The following AJAP1 variants were observed in gnomAD, a reference collection of about 807,000 sequenced individuals.
AJAP1 encodes adherens junctions associated protein 1, also known as adherens junction-associated protein 1.
A neutral mutation model predicts 35.0 loss-of-function variants in AJAP1; 5 were observed. The observed-to-expected ratio is 0.14, with a 90% CI of 0.07 to 0.30. The LOEUF is 0.30. Ranked by LOEUF, AJAP1 falls within the 10% of genes least tolerant of loss-of-function variation. The pLI is 1.00. For synonymous variants in AJAP1, 284 were observed against 249.3 expected (o/e 1.14, Z -1.31); for missense variants, 586 against 571.0 (o/e 1.03, Z -0.27).
rs531680117 is a variant in AJAP1, at chr1:4,729,310, G to C, written c.829+16611G>C. On this transcript the variant is annotated intron_variant, in intron 2 of 5. Transcript: ENST00000378191. ...GTCTCGAGGGCGTCACTCCTCCTGC[G>C]AGTGCAGACCTGGGGCCTGGGGGTC... 7.2e-5 allele frequency among the ~76,000 whole-genome samples: 11 copies of C among 152,178 alleles called. No homozygotes were observed. The East Asian group carries it at 2.1e-3, about 30-fold the overall frequency.
chr1:4,783,717 G>T lies in AJAP1; in HGVS notation c.*1232G>T, dbSNP rs552243649. On this transcript the variant is annotated 3_prime_UTR_variant, in exon 6 of 6. Transcript: ENST00000378191. ...TGGTTGGGTGGGTGGTGGATTCTTGGACGTGTGTGTCATACAAGCATAGAC... is the reference window on the plus strand; with the variant it reads ...TGGTTGGGTGGGTGGTGGATTCTTGTACGTGTGTGTCATACAAGCATAGAC... The T allele has an allele frequency of 6.6e-6, 1 of 151,752 alleles. No homozygotes were observed. Among genetic ancestry groups the T allele is most frequent in the African/African-American group, 2.4e-5 (1 of 41,358 alleles). 9.4% of individuals were successfully genotyped at this position (151,752 alleles called of 1,614,324 possible).
intron 1 of AJAP1, among the ~76,000 whole-genome samples, chr1:4,670,474 C>T (rs952990005): frequency 6.6e-6 from 1 of 152,196 alleles, no homozygotes; most frequent in Admixed American, 6.5e-5. Context: ...GACATCAGCC[C>T]TGACCCACAG....
At chr1:4,710,535 C>T (rs558496801) in intron 1 of AJAP1, among the ~76,000 whole-genome samples, 3 of 152,356 alleles carry the variant, frequency 2.0e-5, no homozygotes, top group African/African-American at 7.2e-5. Context: ...ATGACACACA[C>T]AGCTTCCTTC....
At chr1:4,722,497 G>A (rs1036613919) in intron 2 of AJAP1, among the ~76,000 whole-genome samples, 2 of 152,256 alleles carry the variant, frequency 1.3e-5, no homozygotes, top group African/African-American at 4.8e-5. Context: ...GGGAGGCCCA[G>A]CCTTCATCTG....
At chr1:4,735,853 G>C (rs1244623054) in intron 2 of AJAP1, among the ~76,000 whole-genome samples, 1 of 152,224 alleles carries the variant, frequency 6.6e-6, no homozygotes, top group Non-Finnish European at 1.5e-5. Flanking sequence ...CCCCTTCCCT[G>C]TGTCACTGCA....
intron 1 of AJAP1, among the ~76,000 whole-genome samples, chr1:4,710,997 G>T (rs72857983): frequency 2.6e-5 from 4 of 152,212 alleles, no homozygotes; most frequent in Admixed American, 1.3e-4. Flanking sequence ...TCAGGGTTGC[G>T]CAGGATTTGC....
At chr1:4,755,807 T>C (rs549345) in intron 2 of AJAP1, among the ~76,000 whole-genome samples, 17,625 of 150,664 alleles carry the variant, frequency 0.12, 1,529 homozygotes, top group African/African-American at 0.25. Flanking sequence ...AGCCAAGGGG[T>C]AGGGCGGGGT....
intron 1 of AJAP1, among the ~76,000 whole-genome samples, chr1:4,673,361 CCT>C (rs1214651859): frequency 1.3e-5 from 2 of 152,216 alleles, no homozygotes; most frequent in Non-Finnish European, 2.9e-5. Context: ...TTTCTCATTT[CCT>C]CTCTCTTTCC....
intron 1 of AJAP1, chr1:4,711,134 G>A (rs1258963094): frequency 6.6e-6 from 1 of 152,262 alleles, no homozygotes; most frequent in South Asian, 2.1e-4. Context: ...TAAACTTTAG[G>A]TTTATCCGGA....
In AJAP1 at chr1:4,734,943, T is replaced by G. The variant is rs1228860011; in HGVS notation, c.829+22244T>G. On this transcript the variant is annotated intron_variant, in intron 2 of 5. Transcript: ENST00000378191. The surrounding 1 kb of genome is among the most constrained non-coding windows in gnomAD (Gnocchi z 4.3). ...GATGGCAATGTTGTTTCTCGACTCC[T>G]CCGTCCATCGCCTGCAAGCTGAGCC... Among the ~76,000 whole-genome samples, 5 of 152,206 alleles carry G rather than the reference T, an allele frequency of 3.3e-5. No homozygotes were observed. Among genetic ancestry groups the G allele is most frequent in the African/African-American group, 9.6e-5 (4 of 41,454 alleles).
chr1:4,741,275 C>T (rs1447330263), intron 2 of AJAP1, among the ~76,000 whole-genome samples: 2 of 152,208 alleles, frequency 1.3e-5, no homozygotes, highest in Non-Finnish European at 2.9e-5. Flanking sequence ...AGTAGAAAGG[C>T]ATCCTCTCAC....
intron 4 of AJAP1, among the ~76,000 whole-genome samples, chr1:4,772,852 C>T (rs536442739): frequency 1.3e-5 from 2 of 152,304 alleles, no homozygotes; most frequent in Admixed American, 6.5e-5. Context: ...AGGCCAGCCC[C>T]GTGGTTATTG....
At chr1:4,696,233 GT>G (rs1478651656) in intron 1 of AJAP1, among the ~76,000 whole-genome samples, 3 of 152,194 alleles carry the variant, frequency 2.0e-5, no homozygotes, top group African/African-American at 7.2e-5. Flanking sequence ...CCAGGAAACT[GT>G]TTTTTCCCCC....
chr1:4,738,041 G>A (rs1640969505), intron 2 of AJAP1, among the ~76,000 whole-genome samples: 1 of 152,242 alleles, frequency 6.6e-6, no homozygotes, highest in Non-Finnish European at 1.5e-5. Flanking sequence ...CTGCCTGGGG[G>A]AAACAGCTTC....
chr1:4,663,743 C>T (rs887705957), intron 1 of AJAP1, among the ~76,000 whole-genome samples: 30 of 150,956 alleles, frequency 2.0e-4, no homozygotes, highest in Non-Finnish European at 3.8e-4. Context: ...CTCTTGCAAC[C>T]GGTGTGGACT....
chr1:4,685,129 CA>C, intron 1 of AJAP1, among the ~76,000 whole-genome samples: 1 of 152,310 alleles, frequency 6.6e-6, no homozygotes, highest in Middle Eastern at 3.4e-3. Context: ...GTGTGACAGC[CA>C]GCTTTCTCAG....
chr1:4,730,115 G>A (rs774175714), intron 2 of AJAP1, among the ~76,000 whole-genome samples: 15 of 152,144 alleles, frequency 9.9e-5, no homozygotes, highest in Admixed American at 6.5e-4. Context: ...GGACTCTGCC[G>A]GATATGTCGG....
intron 2 of AJAP1, among the ~76,000 whole-genome samples, chr1:4,745,976 C>T (rs1641177777): frequency 6.6e-6 from 1 of 152,238 alleles, no homozygotes; most frequent in Admixed American, 6.5e-5. Flanking sequence ...AAAATGAAAA[C>T]AGTGAAGCCA....
At chr1:4,781,580 A>T (rs1297468658) in intron 5 of AJAP1, among the ~76,000 whole-genome samples, 1 of 152,080 alleles carries the variant, frequency 6.6e-6, no homozygotes, top group Non-Finnish European at 1.5e-5. Context: ...CCACTTTCTG[A>T]TATGTGTCAT....
Sources: gnomAD v4.1 joint callset for allele counts (sites outside exome capture counted in the v4.1 genomes callset) on GRCh38, gnomAD v4.1.1 for gene constraint, Gnocchi (gnomAD v3.1) non-coding constraint, MANE v1.5 for transcripts, NCBI Gene and HGNC (gene_info 2026-07-23, HGNC 2026-07-21) for gene names.